Variants in RANBP2 observed in about 807,000 individuals in gnomAD.
The protein encoded by RANBP2 is RAN binding protein 2.
Under a neutral mutation model 303.6 loss-of-function variants are expected in RANBP2, and 57 were observed. The observed-to-expected ratio is 0.19, with a 90% CI of 0.15 to 0.23. RANBP2 has a LOEUF of 0.23. RANBP2 is among the 10% of genes least tolerant of loss of function. The probability of loss-of-function intolerance (pLI) is 1.00; values close to 1 mark genes in which losing one functional copy is unlikely to be tolerated. For missense variants in RANBP2, 3,138 were observed against 3,780.8 expected (o/e 0.83, Z 4.46); for synonymous variants, 1,167 against 1,301.5 (o/e 0.90, Z 2.23).
chr2:109,368,543 T>C, the RANBP2 span, among the ~76,000 whole-genome samples: 2 of 152,034 alleles, frequency 1.3e-5, no homozygotes, highest in African/African-American at 4.8e-5. Context: ...TTGGCAACCT[T>C]CCTCAAATTC....
At chr2:108,839,555 T>A in the RANBP2 span, among the ~76,000 whole-genome samples, 1 of 152,168 alleles carries the variant, frequency 6.6e-6, no homozygotes. Flanking sequence ...AACTTTGATT[T>A]ATCAGTGTTG....
chr2:109,659,237 C>G, the RANBP2 span, among the ~76,000 whole-genome samples: 1 of 150,924 alleles, frequency 6.6e-6, no homozygotes, highest in Non-Finnish European at 1.5e-5. Flanking sequence ...ACTAGCTGGG[C>G]GTGGTGGTGT....
chr2:109,165,219 T>C, the RANBP2 span, among the ~76,000 whole-genome samples: 1,011 of 152,232 alleles, frequency 6.6e-3, 11 homozygotes, highest in African/African-American at 0.023. Context: ...GTGCTAATCC[T>C]GCAAAGAAGT....
chr2:109,593,409 C>CTTTTTTTTTTTTT, the RANBP2 span, among the ~76,000 whole-genome samples: 1 of 133,804 alleles, frequency 7.5e-6, no homozygotes, highest in African/African-American at 2.8e-5. Context: ...AGAGAAAGAA[C>CTTTTTTTTTTTTT]TTTTTTTTTT....
the RANBP2 span, among the ~76,000 whole-genome samples, chr2:109,630,952 G>C: frequency 6.6e-6 from 1 of 152,154 alleles, no homozygotes; most frequent in Non-Finnish European, 1.5e-5. Flanking sequence ...TCTAATCCCA[G>C]CTACTCGGGA....
the RANBP2 span, chr2:108,816,025 G>A: frequency 1.9e-6 from 3 of 1,613,754 alleles, no homozygotes; most frequent in Non-Finnish European, 2.5e-6. Flanking sequence ...AGTGAAACAT[G>A]AAGAATCTGG....
the RANBP2 span, among the ~76,000 whole-genome samples, chr2:109,662,302 A>T: frequency 2.0e-5 from 3 of 151,634 alleles, no homozygotes; most frequent in Non-Finnish European, 4.4e-5. Flanking sequence ...TTCTTTTTTT[A>T]AAAAACAGAG....
At chr2:109,163,593 G>T in the RANBP2 span, among the ~76,000 whole-genome samples, 2 of 151,248 alleles carry the variant, frequency 1.3e-5, no homozygotes, top group Non-Finnish European at 2.9e-5. Flanking sequence ...TAGAGACGGG[G>T]TTTCACCGTT....
At chr2:109,724,130 T>C in the RANBP2 span, among the ~76,000 whole-genome samples, 1 of 152,340 alleles carries the variant, frequency 6.6e-6, no homozygotes, top group African/African-American at 2.4e-5. Flanking sequence ...GGTCTATGTG[T>C]CTGTTTTTGT....
the RANBP2 span, among the ~76,000 whole-genome samples, chr2:109,205,265 T>TTC: frequency 6.6e-6 from 1 of 151,536 alleles, no homozygotes; most frequent in African/African-American, 2.4e-5. Context: ...ATGTGACTTT[T>TTC]TTTTTTTTTT....
At chr2:108,825,737 T>C in the RANBP2 span, among the ~76,000 whole-genome samples, 690 of 152,326 alleles carry the variant, frequency 4.5e-3, 4 homozygotes, top group African/African-American at 0.016. Flanking sequence ...TGTTGGCTGT[T>C]ATGAATGGTG....
chr2:108,877,214 T>G, the RANBP2 span, among the ~76,000 whole-genome samples: 1 of 152,152 alleles, frequency 6.6e-6, no homozygotes, highest in African/African-American at 2.4e-5. Context: ...ACGCCTGTAA[T>G]CCCAGCACTC....
chr2:109,488,810 C>T, the RANBP2 span, among the ~76,000 whole-genome samples: 1,221 of 152,344 alleles, frequency 8.0e-3, 9 homozygotes, highest in Middle Eastern at 0.014. Context: ...TCACAACCTC[C>T]AGGGCCTGGC....
the RANBP2 span, among the ~76,000 whole-genome samples, chr2:108,985,075 T>C: frequency 6.6e-6 from 1 of 152,232 alleles, no homozygotes; most frequent in Non-Finnish European, 1.5e-5. Context: ...CCTAAGAAAG[T>C]GCTTTCTCTC....
chr2:108,967,806 G>A, the RANBP2 span, among the ~76,000 whole-genome samples: 1 of 152,102 alleles, frequency 6.6e-6, no homozygotes, highest in Non-Finnish European at 1.5e-5. Flanking sequence ...TTTTTAAAAG[G>A]AAAGTAAGAA....
At chr2:109,126,061 C>T in the RANBP2 span, among the ~76,000 whole-genome samples, 7 of 152,334 alleles carry the variant, frequency 4.6e-5, no homozygotes, top group African/African-American at 1.2e-4. Context: ...AACATTTGGT[C>T]GTCATTCCCC....
the RANBP2 span, among the ~76,000 whole-genome samples, chr2:108,800,471 G>C: frequency 0.022 from 3,388 of 152,010 alleles, 122 homozygotes; most frequent in African/African-American, 0.078. Flanking sequence ...CACCATGTTG[G>C]TCAGGCTGGT....
chr2:108,756,810 A>G (rs185233441), intron 17 of RANBP2, among the ~76,000 whole-genome samples: 2 of 152,324 alleles, frequency 1.3e-5, no homozygotes, highest in East Asian at 3.9e-4. Flanking sequence ...GCCAGTTCTC[A>G]TCACACTGAA....
chr2:109,613,687 G>A, the RANBP2 span: 2 of 725,364 alleles, frequency 2.8e-6, no homozygotes, highest in African/African-American at 1.8e-5. Flanking sequence ...GGGCCGGAGG[G>A]GGCGCGGGTC....
Sources: allele counts gnomAD v4.1 joint callset (sites outside exome capture counted in the v4.1 genomes callset), GRCh38; gene constraint gnomAD v4.1.1; transcripts MANE v1.5; gene names NCBI Gene and HGNC (gene_info 2026-07-23, HGNC 2026-07-21).